Variants in DISC1 observed in about 807,000 individuals in gnomAD.
DISC1 encodes the protein disrupted in schizophrenia 1 protein.
Under a neutral mutation model 84.5 loss-of-function variants are expected in DISC1, and 57 were observed. That is an observed-to-expected ratio of 0.67 (90% CI 0.55 to 0.84). DISC1 has a LOEUF of 0.84. Ranked by LOEUF, DISC1 falls within the 40% of genes least tolerant of loss-of-function variation. The pLI, the probability that DISC1 is intolerant of heterozygous loss-of-function variation, is 0.00. For missense variants in DISC1, 1,000 were observed against 1,057.8 expected (o/e 0.95, Z 0.76); for synonymous variants, 411 against 415.2 (o/e 0.99, Z 0.12).
At chr1:231,849,372 G>A (rs1558648177) in intron 9 of DISC1, among the ~76,000 whole-genome samples, 1 of 151,998 alleles carries the variant, frequency 6.6e-6, no homozygotes, top group Non-Finnish European at 1.5e-5. Context: ...CATCCACCTC[G>A]GCCTCCCAAA....
chr1:231,641,972 C>T (rs1018365763), intron 1 of DISC1, among the ~76,000 whole-genome samples: 1 of 152,186 alleles, frequency 6.6e-6, no homozygotes, highest in Non-Finnish European at 1.5e-5. Flanking sequence ...CTTGGGTGGT[C>T]GATGGGACTG....
intron 6 of DISC1, among the ~76,000 whole-genome samples, chr1:231,791,203 G>C (rs540327148): frequency 3.9e-5 from 6 of 152,318 alleles, no homozygotes; most frequent in Middle Eastern, 3.4e-3. Context: ...TGATTATATT[G>C]TACATTGAAC....
chr1:231,767,576 C>T (rs1024154665), intron 5 of DISC1, among the ~76,000 whole-genome samples: 16 of 152,278 alleles, frequency 1.1e-4, no homozygotes, highest in African/African-American at 3.4e-4. Flanking sequence ...GGATTACAGG[C>T]GTGAGCCACT....
intron 1 of DISC1, among the ~76,000 whole-genome samples, chr1:231,639,411 C>T (rs1172184756): frequency 2.0e-5 from 3 of 152,208 alleles, no homozygotes; most frequent in Non-Finnish European, 4.4e-5. Context: ...CCCAACACCT[C>T]CTGCGTTCAT....
In DISC1 at chr1:231,630,659, G is replaced by A. The variant is rs1052480864; in HGVS notation, c.67+3725G>A. Among the ~76,000 whole-genome samples the A allele has an allele frequency of 2.6e-5, 4 of 152,056 alleles. No individual in the cohort carries two copies. The highest frequency in any genetic ancestry group is 7.2e-5 in the African/African-American group (3 of 41,392). Reference sequence around the variant, plus strand: ...TTAGTAATATAAGACTTTTAGCCTCGAGGAGTCTTCCGTTGTTAGTTCCTA... The same window carrying A: ...TTAGTAATATAAGACTTTTAGCCTCAAGGAGTCTTCCGTTGTTAGTTCCTA... On this transcript the variant is annotated intron_variant, in intron 1 of 12. Transcript: ENST00000439617. The surrounding 1 kb of genome is among the most constrained non-coding windows in gnomAD (Gnocchi z 4.4).
At chr1:231,642,079 C>G (rs536074098) in intron 1 of DISC1, among the ~76,000 whole-genome samples, 2 of 152,186 alleles carry the variant, frequency 1.3e-5, no homozygotes, top group African/African-American at 4.8e-5. Context: ...GGCTGCAGGT[C>G]CCCAGCCCTG....
intron 3 of DISC1, among the ~76,000 whole-genome samples, chr1:231,709,291 C>T (rs148919170): frequency 3.8e-4 from 58 of 152,188 alleles, no homozygotes; most frequent in Middle Eastern, 3.4e-3. Context: ...TAGCTTTGTG[C>T]ACAGATGCGA....
chr1:232,025,229 A>G (rs1185848536), intron 11 of DISC1, among the ~76,000 whole-genome samples: 1 of 152,188 alleles, frequency 6.6e-6, no homozygotes, highest in African/African-American at 2.4e-5. Context: ...GTTTCAGAGA[A>G]GAGTGGGGAA....
intron 10 of DISC1, among the ~76,000 whole-genome samples, chr1:231,960,685 C>T (rs1320756982): frequency 2.0e-5 from 3 of 152,154 alleles, no homozygotes; most frequent in African/African-American, 4.8e-5. Flanking sequence ...AGGGTTTCTC[C>T]CCACCAAAAA....
At chr1:231,859,908 A>G (rs2084529011) in intron 9 of DISC1, among the ~76,000 whole-genome samples, 1 of 152,196 alleles carries the variant, frequency 6.6e-6, no homozygotes, top group Admixed American at 6.5e-5. Context: ...TTTCCCATCC[A>G]TGTATTGTTC....
chr1:231,665,859 T>A (rs1361082670), intron 1 of DISC1, among the ~76,000 whole-genome samples: 1 of 152,174 alleles, frequency 6.6e-6, no homozygotes, highest in East Asian at 1.9e-4. Context: ...TTCTACAGAG[T>A]TTCCTCTTTT....
chr1:231,660,338 A>G (rs1026788010), intron 1 of DISC1, among the ~76,000 whole-genome samples: 3 of 151,580 alleles, frequency 2.0e-5, no homozygotes, highest in Non-Finnish European at 4.4e-5. Flanking sequence ...ATTTTCCTTC[A>G]TCCTTTTATT....
At chr1:231,799,576 C>T (rs78171414) in intron 7 of DISC1, among the ~76,000 whole-genome samples, 1,760 of 151,932 alleles carry the variant, frequency 0.012, 17 homozygotes, top group Non-Finnish European at 0.019. Flanking sequence ...GCCTTTCCTC[C>T]CAGGCAGCGA....
Position 231,956,201 on chromosome 1 carries a change from G to A in DISC1, c.1982-2627G>A, listed in dbSNP as rs570905689. ...TTAGATCATGTTTTTGTCCAATCAC[G>A]TTTCTACACAGCTGTCCATTTTTCA... is the stretch of plus-strand genomic sequence containing the variant. On this transcript the variant is annotated intron_variant, in intron 9 of 12. Coordinates refer to ENST00000439617, the MANE Select transcript of DISC1 (RefSeq NM_018662.3). Among the ~76,000 whole-genome samples, 13 of 152,230 alleles carry A rather than the reference G, an allele frequency of 8.5e-5. No homozygotes were observed. The South Asian group carries it at 2.1e-3, about 24-fold the overall frequency.
intron 10 of DISC1, among the ~76,000 whole-genome samples, chr1:231,972,514 T>A (rs1276633385): frequency 1.3e-5 from 2 of 152,222 alleles, no homozygotes; most frequent in African/African-American, 4.8e-5. Flanking sequence ...GCTGTGATGA[T>A]GAGAGCTTGG....
intron 9 of DISC1, among the ~76,000 whole-genome samples, chr1:231,910,250 C>A (rs1269503273): frequency 1.3e-5 from 2 of 152,108 alleles, no homozygotes; most frequent in Admixed American, 1.3e-4. Context: ...TTCTCTAGTT[C>A]TTTTAATTGT....
At chr1:231,999,730 G>A (rs541161608) in intron 10 of DISC1, among the ~76,000 whole-genome samples, 1 of 152,110 alleles carries the variant, frequency 6.6e-6, no homozygotes, top group South Asian at 2.1e-4. Context: ...CCTGGGGGGA[G>A]GCCCCTTCTG....
At chr1:231,805,544 A>G (rs2079637854) in intron 8 of DISC1, among the ~76,000 whole-genome samples, 1 of 152,178 alleles carries the variant, frequency 6.6e-6, no homozygotes, top group Non-Finnish European at 1.5e-5. Flanking sequence ...ATAACTCACT[A>G]TGGCAACAGC....
At chr1:231,748,332 C>T (rs1347443923) in intron 3 of DISC1, among the ~76,000 whole-genome samples, 2 of 152,192 alleles carry the variant, frequency 1.3e-5, no homozygotes, top group Non-Finnish European at 2.9e-5. Context: ...AGAGGAAAAG[C>T]TTTCAGCATT....
Sources: allele counts gnomAD v4.1 joint callset (sites outside exome capture counted in the v4.1 genomes callset), GRCh38; gene constraint gnomAD v4.1.1; non-coding constraint Gnocchi (gnomAD v3.1); transcripts MANE v1.5; gene names NCBI Gene and HGNC (gene_info 2026-07-23, HGNC 2026-07-21).